The following SH3TC1 variants were observed in gnomAD, a reference collection of about 807,000 sequenced individuals.
SH3TC1 encodes the protein SH3 domain and tetratricopeptide repeats 1, also known as SH3 domain and tetratricopeptide repeat-containing protein 1.
Under a neutral mutation model 117.3 loss-of-function variants are expected in SH3TC1, and 135 were observed. That is an observed-to-expected ratio of 1.15 (90% confidence interval 1.00 to 1.33). The LOEUF is 1.33. Ranked by LOEUF, SH3TC1 falls within the 40% of genes most tolerant of loss-of-function variation. The pLI is 0.00. For missense variants in SH3TC1, 2,092 were observed against 1,794.3 expected, an observed-to-expected ratio of 1.17 and a Z score of -3.00; for synonymous variants, 898 against 816.9, an observed-to-expected ratio of 1.10 and a Z score of -1.69.
chr4:8,230,118 C>A (rs1383852865), intron 12 of SH3TC1, among the ~76,000 whole-genome samples: 1 of 152,190 alleles, frequency 6.6e-6, no homozygotes, highest in Non-Finnish European at 1.5e-5. Context: ...TACTTGTGGT[C>A]ATTTTTGAGT....
rs549232707 is a variant in SH3TC1, at chr4:8,206,551, T to A, written c.172+1185T>A. On this transcript the variant is annotated intron_variant, in intron 2 of 17. Coordinates refer to ENST00000245105, the MANE Select transcript of SH3TC1 (RefSeq NM_018986.5). The surrounding 1 kb of genome is among the most constrained non-coding windows in gnomAD (Gnocchi z 5.5). ...AGCCTTTGCCCTGAGTGGCTGGGTG[T>A]TTCCTCCTCCGGAGGCTCAGCAAAG... is the stretch of plus-strand genomic sequence containing the variant. Among the ~76,000 whole-genome samples the A allele has an allele frequency of 6.6e-6, 1 of 152,216 alleles. No individual in the cohort carries two copies. Among genetic ancestry groups the A allele is most frequent in the Admixed American group, 6.5e-5 (1 of 15,296 alleles).
intron 9 of SH3TC1, among the ~76,000 whole-genome samples, chr4:8,219,960 T>G (rs1402986929): frequency 6.6e-6 from 1 of 152,122 alleles, no homozygotes; most frequent in Non-Finnish European, 1.5e-5. Context: ...CCGTGGGCGT[T>G]CCTTGACCTG....
chr4:8,203,979 A>G (rs977746284), intron 1 of SH3TC1, among the ~76,000 whole-genome samples: 5 of 152,166 alleles, frequency 3.3e-5, no homozygotes, highest in Non-Finnish European at 7.4e-5. Flanking sequence ...GGAAGGCCCC[A>G]GCCTCGTGGG....
At chr4:8,214,379 C>A in intron 4 of SH3TC1, 96 bp from the exon 5 acceptor site, 1 of 1,170,090 alleles carries the variant, frequency 8.5e-7, no homozygotes, top group Non-Finnish European at 1.2e-6. Context: ...GCCGGGGCCA[C>A]ATCTGCAAGA....
At chr4:8,232,648 C>T (rs1394650178) in intron 13 of SH3TC1, 1 of 1,300,110 alleles carries the variant, frequency 7.7e-7, no homozygotes, top group African/African-American at 1.5e-5. Flanking sequence ...GCCCACTTGG[C>T]TCTCCTGGAG....
rs1283709540 is a variant in SH3TC1 at position 8,227,456 on chromosome 4, G to C, written c.1762G>C (p.Gly588Arg). ...QARVYFEEAL[G>R]ALEGSFGDLF... ...CCGGGTGTACTTTGAGGAAGCGCTG[G>C]GGGCCCTGGAGGGCAGCTTCGGGGA... Residue 588 changes from glycine (G) to arginine (R), a missense_variant, in exon 12 of 18, where the codon GGG (glycine) becomes CGG (arginine). Coordinates refer to ENST00000245105, the MANE Select transcript of SH3TC1 (RefSeq NM_018986.5). The C allele has an allele frequency of 6.4e-7, 1 of 1,563,798 alleles. No homozygotes were observed. Among genetic ancestry groups the C allele is most frequent in the African/African-American group, 1.4e-5 (1 of 72,958 alleles).
chr4:8,195,483 G>C (rs1717530905), upstream of SH3TC1, among the ~76,000 whole-genome samples: 2 of 152,230 alleles, frequency 1.3e-5, no homozygotes. Flanking sequence ...TGGGTGTGCT[G>C]TGTGGAGTCG....
chr4:8,230,746 T>C (rs979913510), intron 12 of SH3TC1, among the ~76,000 whole-genome samples: 3 of 151,826 alleles, frequency 2.0e-5, no homozygotes, highest in South Asian at 4.1e-4. Context: ...CTTTCAGCAC[T>C]GCCTTAGCTG....
Position 8,227,521 on chromosome 4 carries a change from C to A in SH3TC1, c.1827C>A (p.Ser609Arg). ...TGGCTGTGTACGCCAACCTGGCCAG[C>A]ATTTACCGGAAGCAGAAGAACCGGG... ...LVVAVYANLA[S>R]IYRKQKNREK... Residue 609 changes from serine to arginine, a missense_variant, in exon 12 of 18, where the codon AGC (serine) becomes AGA (arginine). Physicochemically the swap from Ser to Arg is moderately radical, Grantham distance 110. Coordinates refer to ENST00000245105, the MANE Select transcript of SH3TC1 (RefSeq NM_018986.5). 1 of 1,540,696 alleles carries A rather than the reference C, an allele frequency of 6.5e-7. No homozygotes were observed. Among genetic ancestry groups the A allele is most frequent in the Non-Finnish European group, 8.7e-7 (1 of 1,149,102 alleles).
At chr4:8,198,909 G>C (rs757812340), upstream of SH3TC1, among the ~76,000 whole-genome samples, 7 of 151,290 alleles carry the variant, frequency 4.6e-5, no homozygotes, top group Non-Finnish European at 8.8e-5. Context: ...GCACATGCGT[G>C]TGTGTGTGCA....
In SH3TC1 at chr4:8,192,447, C is replaced by CTTTATTTTATTTTATTTTATTTTAT. The variant is rs376174704; in HGVS notation, c.-57+10265_-57+10289dup. On this transcript the variant is annotated intron_variant, in intron 1 of 16. Transcript: ENST00000508641. This position sits in a 1 kb window ranked among gnomAD's most constrained non-coding sequence, Gnocchi z 4.1. The stretch of plus-strand genomic sequence containing the variant: ...ACAATCTTCTTATCCAACCACTTGT[C>CTTTATTTTATTTTATTTTATTTTAT]TTTATTTTATTTTATTTTATTTTAT... Among the ~76,000 whole-genome samples, 45 of 138,466 alleles carry CTTTATTTTATTTTATTTTATTTTAT rather than the reference C, an allele frequency of 3.2e-4. No individual in the cohort carries two copies. Among genetic ancestry groups the CTTTATTTTATTTTATTTTATTTTAT allele is most frequent in the Non-Finnish European group, 3.1e-4 (20 of 63,778 alleles). The allele number at this position is 138,466 out of a possible 152,430, so 90.8% of individuals were successfully genotyped here.
At chr4:8,214,657 T>C in intron 5 of SH3TC1, 77 bp downstream of exon 5, 1 of 1,072,992 alleles carries the variant, frequency 9.3e-7, no homozygotes, top group East Asian at 2.4e-5. Context: ...TGCACTTAGA[T>C]TACAAACTGG....
Position 8,216,336 on chromosome 4 carries a change from G to A in SH3TC1, c.628+79G>A, listed in dbSNP as rs751006775. The A allele has an allele frequency of 3.0e-4, 458 of 1,534,374 alleles. No homozygotes were observed. The Middle Eastern group carries it at 5.9e-3, about 20-fold the overall frequency. ...GCCATGGGGTGACAGCCTGGATCCC[G>A]CTGTGCTGAGCATGTCTGGGGCTGT... On this transcript the variant is annotated intron_variant, in intron 6 of 17. Coordinates refer to ENST00000245105, the MANE Select transcript of SH3TC1 (RefSeq NM_018986.5).
intron 5 of SH3TC1, chr4:8,215,243 G>C (rs3756195): frequency 2.2e-6 from 1 of 456,058 alleles, no homozygotes; most frequent in Admixed American, 2.3e-5. Flanking sequence ...GCTGACCCAC[G>C]TGAGCTCTTC....
At chr4:8,233,213 T>C (rs1175167766) in intron 13 of SH3TC1, 150 bp from the exon 14 acceptor site, 1 of 1,414,644 alleles carries the variant, frequency 7.1e-7, no homozygotes, top group Non-Finnish European at 9.2e-7. Flanking sequence ...CCCCACCCTC[T>C]CAGCAGCCCG....
At chr4:8,224,403 A>G (rs1720268823) in intron 10 of SH3TC1, among the ~76,000 whole-genome samples, 1 of 152,188 alleles carries the variant, frequency 6.6e-6, no homozygotes, top group Non-Finnish European at 1.5e-5. Context: ...CCTTTTTAGG[A>G]AGCAGGTTTG....
At chr4:8,220,824 C>T (rs915755216) in intron 9 of SH3TC1, among the ~76,000 whole-genome samples, 2 of 152,220 alleles carry the variant, frequency 1.3e-5, no homozygotes, top group Non-Finnish European at 2.9e-5. Flanking sequence ...GGAAAGGGTC[C>T]GTCTGCTCTG....
intron 15 of SH3TC1, chr4:8,235,992 G>A (rs569956237): frequency 4.7e-5 from 22 of 464,108 alleles, no homozygotes; most frequent in South Asian, 1.8e-4. Flanking sequence ...GATAAATGTC[G>A]TGTTTTTAGA....
chr4:8,237,120 G>C (rs1721890545), intron 16 of SH3TC1: 1 of 259,130 alleles, frequency 3.9e-6, no homozygotes, highest in South Asian at 1.5e-4. Flanking sequence ...ACACACCCAG[G>C]AAGAGTTGGA....
Sources: gnomAD v4.1 joint callset for allele counts (sites outside exome capture counted in the v4.1 genomes callset) on GRCh38, gnomAD v4.1.1 for gene constraint, Gnocchi (gnomAD v3.1) non-coding constraint, MANE v1.5 for transcripts, NCBI Gene and HGNC (gene_info 2026-07-23, HGNC 2026-07-21) for gene names.